The following HEG1 variants were observed in gnomAD, a reference collection of about 807,000 sequenced individuals.
HEG1 encodes the protein protein HEG homolog 1.
Under a neutral mutation model 125.6 loss-of-function variants are expected in HEG1, and 56 were observed. That is an observed-to-expected ratio of 0.45 (90% CI 0.36 to 0.56). HEG1 has a LOEUF of 0.56. Ranked by LOEUF, HEG1 falls within the 20% of genes least tolerant of loss-of-function variation. The probability of loss-of-function intolerance (pLI) is 0.00; values close to 1 mark genes in which losing one functional copy is unlikely to be tolerated. For synonymous variants in HEG1, 644 were observed against 668.5 expected (o/e 0.96, Z 0.57); for missense variants, 1,523 against 1,670.0 (o/e 0.91, Z 1.53).
chr3:124,987,527 T>C (rs950285299), intron 14 of HEG1, among the ~76,000 whole-genome samples: 6 of 149,792 alleles, frequency 4.0e-5, no homozygotes, highest in South Asian at 2.1e-4. Context: ...TTTTTTCTTT[T>C]TTTTTTTTTT....
chr3:125,052,532 G>A (rs1360563369), intron 1 of HEG1, among the ~76,000 whole-genome samples: 2 of 152,144 alleles, frequency 1.3e-5, no homozygotes, highest in Non-Finnish European at 2.9e-5. Flanking sequence ...TTTTCATTAT[G>A]ATTTAAGCCT....
chr3:124,995,141 A>G (rs1428793602), intron 12 of HEG1, among the ~76,000 whole-genome samples: 3 of 152,146 alleles, frequency 2.0e-5, no homozygotes, highest in Non-Finnish European at 4.4e-5. Flanking sequence ...TCTACAAAGA[A>G]TACAAAAATT....
chr3:124,970,481 C>T lies in HEG1; in HGVS notation c.*171G>A, dbSNP rs1936404315. On this transcript the variant is annotated 3_prime_UTR_variant, in exon 17 of 17. Transcript: ENST00000311127. The stretch of plus-strand genomic sequence containing the variant: ...GTGCTGAATGAGCAGCCTGTGGTTC[C>T]ACATCCACCTGTCTCCTCCACTGTG... 3.8e-5 allele frequency: 23 copies of T among 597,818 alleles called. 1 individual carries two copies. The South Asian group carries it at 4.3e-4, about 11-fold the overall frequency. 37.0% of individuals were successfully genotyped at this position (597,818 alleles called of 1,614,324 possible).
intron 11 of HEG1, among the ~76,000 whole-genome samples, chr3:124,999,595 T>C (rs1936971358): frequency 6.6e-6 from 1 of 152,214 alleles, no homozygotes. Flanking sequence ...GGAGCAACTG[T>C]GCCCTGCACA....
intron 1 of HEG1, among the ~76,000 whole-genome samples, chr3:125,035,773 C>T (rs980491059): frequency 6.6e-6 from 1 of 152,014 alleles, no homozygotes; most frequent in Non-Finnish European, 1.5e-5. Flanking sequence ...GAAATAATAA[C>T]AATAATTTCT....
chr3:125,053,636 C>T (rs762507758), intron 1 of HEG1, among the ~76,000 whole-genome samples: 1 of 152,162 alleles, frequency 6.6e-6, no homozygotes, highest in South Asian at 2.1e-4. Flanking sequence ...ACTACTCTCT[C>T]GCTGCTTTCT....
intron 11 of HEG1, 92 bp from the exon 12 acceptor site, chr3:124,997,915 A>C (rs960966067): frequency 8.9e-6 from 12 of 1,348,618 alleles, no homozygotes; most frequent in Non-Finnish European, 1.1e-5. Flanking sequence ...ATGTGTCTGC[A>C]TGAACTCTCT....
intron 1 of HEG1, among the ~76,000 whole-genome samples, chr3:125,040,520 C>T (rs1401675864): frequency 2.0e-5 from 3 of 152,090 alleles, no homozygotes. Flanking sequence ...TGGAATTGCC[C>T]GTTCCTGCCT....
At chr3:125,040,070 G>A (rs377649662) in intron 1 of HEG1, among the ~76,000 whole-genome samples, 3 of 152,144 alleles carry the variant, frequency 2.0e-5, no homozygotes, top group African/African-American at 7.2e-5. Flanking sequence ...TACGCATAAC[G>A]AAAAGAATAA....
chr3:125,014,966 G>A (rs1294376598), intron 5 of HEG1: 9 of 1,280,178 alleles, frequency 7.0e-6, no homozygotes, highest in East Asian at 5.6e-5. Context: ...CTGCATTGGC[G>A]GAACTGTCAC....
Position 125,055,674 on chromosome 3 carries a change from G to C in HEG1, c.217C>G (p.Arg73Gly), listed in dbSNP as rs976474220. Residue 73 changes from arginine to glycine, a missense_variant, in exon 1 of 17, where the codon CGC (arginine) becomes GGC (glycine). Physicochemically the swap from Arg to Gly is moderately radical, Grantham distance 125. Coordinates refer to ENST00000311127, the MANE Select transcript of HEG1 (RefSeq NM_020733.2). ...EPPPTPPRER[R>G]GPATPGPSYR... ...CTGGGGCCGGGGGTCGCGGGCCCGCGGCGCTCCCGGGGCGGCGTGGGCGGC... is the reference window on the plus strand; with the variant it reads ...CTGGGGCCGGGGGTCGCGGGCCCGCCGCGCTCCCGGGGCGGCGTGGGCGGC... The C allele has an allele frequency of 3.0e-5, 34 of 1,148,938 alleles. No individual in the cohort carries two copies. The highest frequency in any genetic ancestry group is 3.2e-6 in the Non-Finnish European group (3 of 935,344). 71.2% of individuals were successfully genotyped at this position (1,148,938 alleles called of 1,614,324 possible).
intron 16 of HEG1, chr3:124,971,058 C>T (rs1936414390): frequency 1.6e-5 from 9 of 573,996 alleles, no homozygotes; most frequent in South Asian, 4.6e-5. Flanking sequence ...TAAGGTCCTA[C>T]GACCATCTAG....
At chr3:125,025,225 T>C (rs1937399346) in intron 3 of HEG1, among the ~76,000 whole-genome samples, 1 of 152,240 alleles carries the variant, frequency 6.6e-6, no homozygotes, top group Admixed American at 6.5e-5. Flanking sequence ...AAGCAGAAGT[T>C]TGTTTCCCAT....
intron 9 of HEG1, among the ~76,000 whole-genome samples, chr3:125,003,434 G>C (rs1388015327): frequency 6.6e-6 from 1 of 152,216 alleles, no homozygotes; most frequent in Non-Finnish European, 1.5e-5. Context: ...GACAAGTATA[G>C]GATTAGTAGA....
intron 14 of HEG1, among the ~76,000 whole-genome samples, chr3:124,984,557 G>C (rs1433173356): frequency 6.6e-6 from 1 of 152,082 alleles, no homozygotes; most frequent in Non-Finnish European, 1.5e-5. Context: ...TCAGGAGTTC[G>C]ATACCAGCCT....
chr3:124,983,501 A>ATTTT (rs542232252), intron 14 of HEG1, among the ~76,000 whole-genome samples: 1 of 138,430 alleles, frequency 7.2e-6, no homozygotes, highest in South Asian at 2.3e-4. Flanking sequence ...TGCCTGGCTG[A>ATTTT]TTTTTTTTTT....
Position 125,013,356 on chromosome 3 carries a change from T to C in HEG1, c.2223A>G (p.Ser741=), listed in dbSNP as rs1391575558. 4 of 1,613,984 alleles carry C rather than the reference T, an allele frequency of 2.5e-6. No individual in the cohort carries two copies. The highest frequency in any genetic ancestry group is 2.5e-6 in the Non-Finnish European group (3 of 1,179,884). ...LSVSQTTLPQ[S]SSTPVLPRAR... ...CCCTGGGCAGGACAGGGGTAGAAGA[T>C]GACTGTGGCAAGGTTGTTTGTGAGA... Residue 741 remains serine, a synonymous_variant, in exon 6 of 17, where the codon TCA becomes TCG. Transcript: ENST00000311127.
At chr3:124,984,381 T>C (rs72978590) in intron 14 of HEG1, among the ~76,000 whole-genome samples, 4,201 of 151,706 alleles carry the variant, frequency 0.028, 184 homozygotes, top group African/African-American at 0.095. Context: ...GAAAGAGGGA[T>C]GGAAAAAAAT....
intron 1 of HEG1, among the ~76,000 whole-genome samples, chr3:125,045,514 C>G (rs73189219): frequency 2.6e-5 from 4 of 152,318 alleles, no homozygotes; most frequent in Non-Finnish European, 4.4e-5. Flanking sequence ...AAGGGTAGAG[C>G]TGTGAAGGAC....
Sources: allele counts gnomAD v4.1 joint callset (sites outside exome capture counted in the v4.1 genomes callset), GRCh38; gene constraint gnomAD v4.1.1; transcripts MANE v1.5; gene names NCBI Gene and HGNC (gene_info 2026-07-23, HGNC 2026-07-21).